ETV5: variants seen among roughly 807,000 people sequenced by gnomAD.
The protein encoded by ETV5 is ETS variant transcription factor 5.
A neutral mutation model predicts 70.0 loss-of-function variants in ETV5; 10 were observed. The observed-to-expected ratio is 0.14, with a 90% CI of 0.09 to 0.24. ETV5 has a LOEUF of 0.24. Ranked by LOEUF, ETV5 falls within the 10% of genes least tolerant of loss-of-function variation. ETV5 has a pLI of 1.00. For missense variants in ETV5, 453 were observed against 651.2 expected (o/e 0.70, Z 3.31); for synonymous variants, 216 against 242.2 (o/e 0.89, Z 1.01).
At chr3:186,072,667 T>A (rs1172606577) in intron 7 of ETV5, among the ~76,000 whole-genome samples, 1 of 152,150 alleles carries the variant, frequency 6.6e-6, no homozygotes, top group Non-Finnish European at 1.5e-5. Flanking sequence ...GAGACTCAAA[T>A]GGGCCCATTT....
In ETV5 at chr3:186,047,333, G is replaced by GT. The variant is rs1560042901; in HGVS notation, c.*1305dup. The GT allele has an allele frequency of 8.7e-6, 2 of 230,574 alleles. No individual in the cohort carries two copies. Among genetic ancestry groups the GT allele is most frequent in the Non-Finnish European group, 1.7e-5 (2 of 116,328 alleles). 14.3% of individuals were successfully genotyped at this position (230,574 alleles called of 1,614,324 possible). ...TGTTGCTTACCTGTCAGTATCACACGTAAGTCTCAAACCCTACTGAATCAC... is the reference window on the plus strand; with the variant it reads ...TGTTGCTTACCTGTCAGTATCACACGTTAAGTCTCAAACCCTACTGAATCAC... On this transcript the variant is annotated 3_prime_UTR_variant, in exon 13 of 13. Transcript: ENST00000306376.
Position 186,048,188 on chromosome 3 carries a change from A to G in ETV5, c.*451T>C. ...AACCCTTAATGGTTTGAGCCTCCCC[A>G]ACTTAGCCTACTTACTTTTCTATGG... On this transcript the variant is annotated 3_prime_UTR_variant, in exon 13 of 13. Coordinates refer to ENST00000306376, the MANE Select transcript of ETV5 (RefSeq NM_004454.3). The G allele has an allele frequency of 4.1e-6, 1 of 246,530 alleles. No individual in the cohort carries two copies. 15.3% of individuals were successfully genotyped at this position (246,530 alleles called of 1,614,324 possible).
At chr3:186,090,594 ATAT>A (rs1364065770) in intron 5 of ETV5, among the ~76,000 whole-genome samples, 1 of 152,222 alleles carries the variant, frequency 6.6e-6, no homozygotes, top group Non-Finnish European at 1.5e-5. Context: ...TTGTGAATTT[ATAT>A]GTAAAACACG....
At chr3:186,048,936 T>C in intron 12 of ETV5, 76 bp from the exon 13 acceptor site, 5 of 1,260,224 alleles carry the variant, frequency 4.0e-6, no homozygotes, top group Non-Finnish European at 5.7e-6. Flanking sequence ...GAGGTATTCC[T>C]AAGTCACAAA....
At chr3:186,101,009 A>C (rs1320570081) in intron 5 of ETV5, among the ~76,000 whole-genome samples, 1 of 152,192 alleles carries the variant, frequency 6.6e-6, no homozygotes, top group African/African-American at 2.4e-5. Context: ...GGAACACATC[A>C]CCTTACCCCG....
chr3:186,088,531 T>C (rs1714109278), intron 5 of ETV5, among the ~76,000 whole-genome samples: 1 of 152,092 alleles, frequency 6.6e-6, no homozygotes, highest in Non-Finnish European at 1.5e-5. Flanking sequence ...AATTACATAC[T>C]GCATAGTCCA....
chr3:186,102,155 TTTTAGTG>T (rs1387492060), intron 5 of ETV5, among the ~76,000 whole-genome samples: 1 of 152,092 alleles, frequency 6.6e-6, no homozygotes, highest in African/African-American at 2.4e-5. Flanking sequence ...GAAGTTGAAC[TTTTAGTG>T]TTTAGAGAAA....
intron 11 of ETV5, among the ~76,000 whole-genome samples, chr3:186,055,242 G>T (rs934293742): frequency 3.9e-5 from 6 of 152,182 alleles, no homozygotes; most frequent in Non-Finnish European, 8.8e-5. Context: ...GCTCCTGTTT[G>T]TGAAACAAGA....
chr3:186,108,344 C>T (rs987329086), intron 1 of ETV5: 8 of 501,638 alleles, frequency 1.6e-5, no homozygotes, highest in African/African-American at 1.6e-4. Flanking sequence ...AGCCGGACGC[C>T]CTCAGCCTGC....
rs1457337691 is a variant in ETV5, at chr3:186,057,561, A to G, written c.971-70T>C. 2 of 1,315,830 alleles carry G rather than the reference A, an allele frequency of 1.5e-6. No individual in the cohort carries two copies. The highest frequency in any genetic ancestry group is 4.6e-5 in the East Asian group (2 of 43,436). The allele number at this position is 1,315,830 out of a possible 1,614,324, so 81.5% of individuals were successfully genotyped here. ...TGTGTTGTACTAAAACTATGGATTT[A>G]AGGACTAGAGTGCAATCCTATCATT... On this transcript the variant is annotated intron_variant, in intron 9 of 12. Transcript: ENST00000306376. This position sits in a 1 kb window ranked among gnomAD's most constrained non-coding sequence, Gnocchi z 4.9.
chr3:186,100,487 C>T lies in ETV5; in HGVS notation c.232+4818G>A, dbSNP rs191212204. Among the ~76,000 whole-genome samples, 8 of 152,302 alleles carry T rather than the reference C, an allele frequency of 5.3e-5. No homozygotes were observed. The East Asian group carries it at 1.4e-3, about 26-fold the overall frequency. ...CTGCCTCTACTGTACTAAACTCACACATTAATAAAGAAATCCAGCTGAATA... is the reference window on the plus strand; with the variant it reads ...CTGCCTCTACTGTACTAAACTCACATATTAATAAAGAAATCCAGCTGAATA... On this transcript the variant is annotated intron_variant, in intron 5 of 12. Transcript: ENST00000306376.
chr3:186,063,669 T>G (rs561061128), intron 9 of ETV5, among the ~76,000 whole-genome samples: 1 of 152,212 alleles, frequency 6.6e-6, no homozygotes, highest in Non-Finnish European at 1.5e-5. Context: ...GTTTCTCCTT[T>G]GAGGTATTTT....
At chr3:186,069,973 AT>A (rs879291697) in intron 7 of ETV5, among the ~76,000 whole-genome samples, 7 of 147,780 alleles carry the variant, frequency 4.7e-5, no homozygotes, top group Admixed American at 1.3e-4. Flanking sequence ...TGCCTGGCTA[AT>A]TTTTTTTTTG....
chr3:186,072,274 C>T (rs1179640777), intron 7 of ETV5, among the ~76,000 whole-genome samples: 6 of 151,452 alleles, frequency 4.0e-5, no homozygotes, highest in African/African-American at 1.5e-4. Context: ...CCCAGGTACT[C>T]GGGAGGCTGA....
intron 1 of ETV5, chr3:186,108,580 C>T (rs1468708286): frequency 8.0e-7 from 1 of 1,251,366 alleles, no homozygotes; most frequent in African/African-American, 1.5e-5. Context: ...TCGCGAGCCT[C>T]CAAGTCCCCT....
intron 5 of ETV5, among the ~76,000 whole-genome samples, chr3:186,098,702 G>A (rs1230139749): frequency 6.6e-6 from 1 of 152,214 alleles, no homozygotes; most frequent in Non-Finnish European, 1.5e-5. Context: ...AGGGAAAGCG[G>A]ATGGAGCCCG....
At chr3:186,049,123 T>C (rs1416828386) in intron 12 of ETV5, among the ~76,000 whole-genome samples, 2 of 152,174 alleles carry the variant, frequency 1.3e-5, no homozygotes, top group Non-Finnish European at 2.9e-5. Flanking sequence ...CTTTCTGTCT[T>C]CCAGTGACAG....
Position 186,057,470 on chromosome 3 carries a change from G to C in ETV5, c.992C>G (p.Pro331Arg), listed in dbSNP as rs1050122500. 9 of 1,613,780 alleles carry C rather than the reference G, an allele frequency of 5.6e-6. No homozygotes were observed. The African/African-American group carries it at 1.2e-4, about 22-fold the overall frequency. ...ACAAGTGTCGTCAAAGTATAATCGG[G>C]GATCTTTTTCATATGAAAAACCTGA... ...SHEGFSYEKDPRLYFDDTCVV... is the reference protein window; with the variant it reads ...SHEGFSYEKDRRLYFDDTCVV... Residue 331 changes from proline (P) to arginine (R), a missense_variant, in exon 10 of 13, where the codon CCC becomes CGC. By Grantham distance (103) the Pro-to-Arg change is moderately radical. Coordinates refer to ENST00000306376, the MANE Select transcript of ETV5 (RefSeq NM_004454.3). The surrounding 1 kb of genome is among the most constrained non-coding windows in gnomAD (Gnocchi z 4.9).
At chr3:186,087,811 T>A (rs563318726) in intron 5 of ETV5, among the ~76,000 whole-genome samples, 1 of 151,984 alleles carries the variant, frequency 6.6e-6, no homozygotes, top group African/African-American at 2.4e-5. Context: ...TTGAATGTTA[T>A]GATGAGCAAC....
Sources: gnomAD v4.1 joint callset for allele counts (sites outside exome capture counted in the v4.1 genomes callset) on GRCh38, gnomAD v4.1.1 for gene constraint, Gnocchi (gnomAD v3.1) non-coding constraint, MANE v1.5 for transcripts, NCBI Gene and HGNC (gene_info 2026-07-23, HGNC 2026-07-21) for gene names.